NELFB: variants seen among roughly 807,000 people sequenced by gnomAD.
NELFB encodes the protein negative elongation factor B.
NELFB carries 34 observed loss-of-function variants against 60.2 expected under a neutral mutation model. That is an observed-to-expected ratio of 0.56 (90% CI 0.43 to 0.75). The LOEUF (loss-of-function observed/expected upper bound fraction) is 0.75, where lower values mean the gene tolerates loss of function less well. Ranked by LOEUF, NELFB falls within the 30% of genes least tolerant of loss-of-function variation. The pLI, the probability that NELFB is intolerant of heterozygous loss-of-function variation, is 0.00. For synonymous variants in NELFB, 459 were observed against 382.1 expected, an observed-to-expected ratio of 1.20 and a Z score of -2.35; for missense variants, 770 against 831.6, an observed-to-expected ratio of 0.93 and a Z score of 0.91.
intron 6 of NELFB, among the ~76,000 whole-genome samples, chr9:137,265,338 T>A (rs1171159666): frequency 6.7e-6 from 1 of 148,808 alleles, no homozygotes; most frequent in East Asian, 2.0e-4. Flanking sequence ...TTTAACTTTT[T>A]AATTTGAAAA....
rs1398763736 is a variant in NELFB, at chr9:137,269,551, C to G, written c.1489+2205C>G. Among the ~76,000 whole-genome samples, 1 of 152,244 alleles carries G rather than the reference C, an allele frequency of 6.6e-6. No individual in the cohort carries two copies. Among genetic ancestry groups the G allele is most frequent in the East Asian group, 1.9e-4 (1 of 5,204 alleles). ...ATATACGACCACGCGGTCACATAAG[C>G]TGACAATACTGTATTTTTACTCCAC... is the stretch of plus-strand genomic sequence containing the variant. On this transcript the variant is annotated intron_variant, in intron 10 of 12. Coordinates refer to ENST00000343053, the MANE Select transcript of NELFB (RefSeq NM_015456.5). The surrounding 1 kb of genome is among the most constrained non-coding windows in gnomAD (Gnocchi z 5.3).
chr9:137,264,464 C>G (rs1226287081), intron 6 of NELFB, 107 bp downstream of exon 6: 15 of 803,460 alleles, frequency 1.9e-5, no homozygotes, highest in Admixed American at 1.8e-4. Flanking sequence ...CCGGATATTG[C>G]TTTTTCTTTT....
chr9:137,267,045 C>T lies in NELFB; in HGVS notation c.1341C>T (p.Ala447=). ...AGAAACTTCCGGCTGAGGAGAAAGCCCCAGTCTCATATCCAAACACACTTC... is the reference window on the plus strand; with the variant it reads ...AGAAACTTCCGGCTGAGGAGAAAGCTCCAGTCTCATATCCAAACACACTTC... Residue 447 remains alanine, a synonymous_variant, in exon 9 of 13, where the codon GCC becomes GCT. Coordinates refer to ENST00000343053, the MANE Select transcript of NELFB (RefSeq NM_015456.5). 4 of 1,614,070 alleles carry T rather than the reference C, an allele frequency of 2.5e-6. No individual in the cohort carries two copies. Among genetic ancestry groups the T allele is most frequent in the Non-Finnish European group, 3.4e-6 (4 of 1,180,020 alleles).
chr9:137,273,130 A>G lies in NELFB; in HGVS notation c.*202A>G, dbSNP rs1830606305. Reference sequence around the variant, plus strand: ...GCCCACCATCCATGCAGTGGCTCCCAGGGCAGAGCCTCTCCTTGTACTTTG... The same window carrying G: ...GCCCACCATCCATGCAGTGGCTCCCGGGGCAGAGCCTCTCCTTGTACTTTG... On this transcript the variant is annotated 3_prime_UTR_variant, in exon 13 of 13. Coordinates refer to ENST00000343053, the MANE Select transcript of NELFB (RefSeq NM_015456.5). 2 of 501,816 alleles carry G rather than the reference A, an allele frequency of 4.0e-6. No homozygotes were observed. Among genetic ancestry groups the G allele is most frequent in the East Asian group, 6.6e-5 (2 of 30,480 alleles). 31.1% of individuals were successfully genotyped at this position (501,816 alleles called of 1,614,324 possible). A position where few individuals can be genotyped will look rare whatever the true frequency, so the allele number is the denominator to read the frequency against.
intron 10 of NELFB, among the ~76,000 whole-genome samples, chr9:137,267,985 C>T (rs912585956): frequency 6.6e-6 from 1 of 152,178 alleles, no homozygotes; most frequent in African/African-American, 2.4e-5. Context: ...GCCCCAGTGC[C>T]CCACCCCAGG....
At chr9:137,264,592 A>C (rs887815579) in intron 6 of NELFB, among the ~76,000 whole-genome samples, 1 of 152,120 alleles carries the variant, frequency 6.6e-6, no homozygotes, top group Non-Finnish European at 1.5e-5. Flanking sequence ...CAGCCTCCCA[A>C]GTAGCTGGGA....
chr9:137,269,086 C>T lies in NELFB; in HGVS notation c.1489+1740C>T, dbSNP rs749035477. On this transcript the variant is annotated intron_variant, in intron 10 of 12. Transcript: ENST00000343053. The surrounding 1 kb of genome is among the most constrained non-coding windows in gnomAD (Gnocchi z 5.3). ...GATGGTGAACTTGGGGACACGTCCA[C>T]ACCACAGCACGTGCCTATTGTGTTT... Among the ~76,000 whole-genome samples the T allele has an allele frequency of 4.6e-5, 7 of 151,628 alleles. No individual in the cohort carries two copies. Among genetic ancestry groups the T allele is most frequent in the Non-Finnish European group, 8.8e-5 (6 of 67,954 alleles).
In NELFB at chr9:137,264,369, C is replaced by T. The variant is rs762993559; in HGVS notation, c.1040+12C>T. The T allele has an allele frequency of 1.5e-5, 23 of 1,559,418 alleles. No individual in the cohort carries two copies. The highest frequency in any genetic ancestry group is 8.7e-7 in the Non-Finnish European group (1 of 1,150,488). On this transcript the variant is annotated intron_variant, in intron 6 of 12. Coordinates refer to ENST00000343053, the MANE Select transcript of NELFB (RefSeq NM_015456.5). ...GAGCAGGTGCTGGGGTGAGGGTCGG[C>T]TCCACGAGGCCTCTGCCCCTCAGGG...
chr9:137,263,908 C>T (rs1000226346), intron 5 of NELFB, among the ~76,000 whole-genome samples: 2 of 152,206 alleles, frequency 1.3e-5, no homozygotes, highest in Admixed American at 6.5e-5. Context: ...CATACGGACC[C>T]TCCAGCCCTG....
At position 137,259,646 on chromosome 9, in the gene NELFB, T is replaced by A. The variant is rs950502904; in HGVS notation, c.741+2592T>A. Among the ~76,000 whole-genome samples the A allele has an allele frequency of 2.0e-5, 3 of 150,998 alleles. No homozygotes were observed. In the South Asian group the frequency reaches 6.2e-4, roughly 31 times the overall value. On this transcript the variant is annotated intron_variant, in intron 4 of 12. Coordinates refer to ENST00000343053, the MANE Select transcript of NELFB (RefSeq NM_015456.5). ...TCCTAGGTTGATTCTCTTTTATTTT[T>A]ATTTTATTTTATTTTATATATTTTT... is the stretch of plus-strand genomic sequence containing the variant.
At chr9:137,258,298 A>G (rs1837589949) in intron 4 of NELFB, among the ~76,000 whole-genome samples, 1 of 145,312 alleles carries the variant, frequency 6.9e-6, no homozygotes, top group South Asian at 2.2e-4. Context: ...TAATTTGTAT[A>G]CTTTTTGCAG....
chr9:137,256,189 G>T, intron 2 of NELFB, 119 bp downstream of exon 2: 1 of 1,379,114 alleles, frequency 7.3e-7, no homozygotes, highest in East Asian at 2.3e-5. Flanking sequence ...GGTGGCCTGG[G>T]CCTGTGTCTG....
intron 4 of NELFB, among the ~76,000 whole-genome samples, chr9:137,258,691 G>T (rs951948214): frequency 1.3e-5 from 2 of 151,864 alleles, no homozygotes; most frequent in African/African-American, 2.4e-5. Flanking sequence ...CTGACCTCAG[G>T]TAATCCGCCC....
chr9:137,256,829 G>A lies in NELFB; in HGVS notation c.516G>A (p.Pro172=), dbSNP rs1174757580. 13 of 1,613,886 alleles carry A rather than the reference G, an allele frequency of 8.1e-6. No homozygotes were observed. The highest frequency in any genetic ancestry group is 1.6e-4 in the Middle Eastern group (1 of 6,084). Reference sequence around the variant, plus strand: ...CAGCCTGTGGTGTCATGTAGGTTCCGGAGAAAAAACTGAAGCTGGTTATGG... The same window carrying A: ...CAGCCTGTGGTGTCATGTAGGTTCCAGAGAAAAAACTGAAGCTGGTTATGG... Residue 172 remains proline (P), a synonymous_variant, in exon 4 of 13, where the codon CCG becomes CCA. Coordinates refer to ENST00000343053, the MANE Select transcript of NELFB (RefSeq NM_015456.5).
chr9:137,268,664 C>G (rs992366918), intron 10 of NELFB, among the ~76,000 whole-genome samples: 1 of 152,190 alleles, frequency 6.6e-6, no homozygotes, highest in African/African-American at 2.4e-5. Flanking sequence ...CTGCATCTGG[C>G]TGGGGCTTTT....
chr9:137,267,404 G>T, intron 10 of NELFB, 58 bp downstream of exon 10: 1 of 1,506,362 alleles, frequency 6.6e-7, no homozygotes, highest in Non-Finnish European at 9.0e-7. Context: ...GCCGTATGCA[G>T]TCCTGCCCAG....
chr9:137,272,269 T>C (rs1213719787), intron 11 of NELFB, 47 bp downstream of exon 11: 1 of 1,604,320 alleles, frequency 6.2e-7, no homozygotes, highest in East Asian at 2.2e-5. Flanking sequence ...TCTCAGCTCT[T>C]GTCCGTAGCA....
intron 4 of NELFB, 60 bp downstream of exon 4, chr9:137,257,114 T>G (rs555013058): frequency 7.0e-7 from 1 of 1,432,276 alleles, no homozygotes; most frequent in South Asian, 1.2e-5. Flanking sequence ...GGCTAGCGCC[T>G]TCAGCTGCCT....
intron 10 of NELFB, among the ~76,000 whole-genome samples, chr9:137,270,155 T>G (rs1830565637): frequency 6.6e-6 from 1 of 151,918 alleles, no homozygotes; most frequent in Admixed American, 6.6e-5. Flanking sequence ...GCTGCAGACG[T>G]AGGCATCTCT....
Sources: allele counts gnomAD v4.1 joint callset (sites outside exome capture counted in the v4.1 genomes callset), GRCh38; gene constraint gnomAD v4.1.1; non-coding constraint Gnocchi (gnomAD v3.1); transcripts MANE v1.5; gene names NCBI Gene and HGNC (gene_info 2026-07-23, HGNC 2026-07-21).